WDFY3: variants seen among roughly 807,000 people sequenced by gnomAD.
WDFY3 encodes WD repeat and FYVE domain containing 3, also known as WD repeat and FYVE domain-containing protein 3.
A neutral mutation model predicts 409.6 loss-of-function variants in WDFY3; 66 were observed. The observed-to-expected ratio is 0.16, with a 90% CI of 0.13 to 0.20. The LOEUF is 0.20. WDFY3 is among the 10% of genes least tolerant of loss of function. The probability of loss-of-function intolerance (pLI) is 1.00; values close to 1 mark genes in which losing one functional copy is unlikely to be tolerated. For synonymous variants in WDFY3, 1,521 were observed against 1,537.1 expected, an observed-to-expected ratio of 0.99 and a Z score of 0.25; for missense variants, 3,031 against 4,298.1, an observed-to-expected ratio of 0.71 and a Z score of 8.24.
At position 84,726,943 on chromosome 4, in the gene WDFY3, A is replaced by G. The variant is rs755987044; in HGVS notation, c.7222-32T>C. 10 of 1,555,224 alleles carry G rather than the reference A, an allele frequency of 6.4e-6. No homozygotes were observed. The South Asian group carries it at 1.2e-4, about 19-fold the overall frequency. ...ACAGGGTATTAAGTATAGACATATC[A>G]GAAAAAAAAACATAAAGAGGAACAC... On this transcript the variant is annotated intron_variant, in intron 44 of 67. Coordinates refer to ENST00000295888, the MANE Select transcript of WDFY3 (RefSeq NM_014991.6).
chr4:84,817,709 C>T (rs1445692400), intron 12 of WDFY3, 124 bp from the exon 13 acceptor site: 8 of 886,334 alleles, frequency 9.0e-6, no homozygotes, highest in Non-Finnish European at 1.2e-5. Flanking sequence ...ATAAAACCTA[C>T]CCAACTATTT....
rs766711953 is a variant in WDFY3, at chr4:84,691,673, A to G, written c.9162T>C (p.Tyr3054=). 2.4e-5 allele frequency: 38 copies of G among 1,614,066 alleles called. No individual in the cohort carries two copies. Among genetic ancestry groups the G allele is most frequent in the Middle Eastern group, 1.6e-4 (1 of 6,084 alleles). The change falls in exon 60 of 68, where the codon TAT becomes TAC. Residue 3054 remains tyrosine (Y), a synonymous_variant. Transcript: ENST00000295888. ...PTWNKTFAWG[Y]ADLSCRLGTY... ...TTCCCAGTCTGCAACTGAGGTCTGCATAGCCCCAAGCAAAAGTTTTATTCC... is the reference window on the plus strand; with the variant it reads ...TTCCCAGTCTGCAACTGAGGTCTGCGTAGCCCCAAGCAAAAGTTTTATTCC...
At chr4:84,809,850 T>A in intron 14 of WDFY3, 37 bp downstream of exon 14, 1 of 1,582,164 alleles carries the variant, frequency 6.3e-7, no homozygotes, top group South Asian at 1.1e-5. Flanking sequence ...ATGCTTAGTA[T>A]ACACCCTTTA....
chr4:84,786,982 C>T (rs1319388159), intron 23 of WDFY3, among the ~76,000 whole-genome samples: 1 of 152,146 alleles, frequency 6.6e-6, no homozygotes, highest in Non-Finnish European at 1.5e-5. Flanking sequence ...TACCAAGGAA[C>T]TGCCAGCTTA....
intron 2 of WDFY3, among the ~76,000 whole-genome samples, chr4:84,900,464 G>A (rs138251937): frequency 3.1e-4 from 47 of 152,100 alleles, no homozygotes; most frequent in Middle Eastern, 3.4e-3. Flanking sequence ...GGCCTCAAGC[G>A]ATCCTCCAAA....
At chr4:84,901,618 T>C (rs542847460) in intron 2 of WDFY3, among the ~76,000 whole-genome samples, 21 of 152,284 alleles carry the variant, frequency 1.4e-4, no homozygotes, top group African/African-American at 5.1e-4. Context: ...CCATTACATT[T>C]CAACACCTGC....
At chr4:84,896,180 G>A (rs938834234) in intron 3 of WDFY3, among the ~76,000 whole-genome samples, 5 of 151,658 alleles carry the variant, frequency 3.3e-5, no homozygotes, top group African/African-American at 7.3e-5. Context: ...CGCTTGAACC[G>A]GGGAGGCAGA....
intron 3 of WDFY3, among the ~76,000 whole-genome samples, chr4:84,887,035 G>A (rs1264283899): frequency 2.0e-5 from 3 of 152,182 alleles, no homozygotes; most frequent in African/African-American, 7.2e-5. Flanking sequence ...CTGAGTAGGT[G>A]CTTGGGATAC....
chr4:84,739,135 C>T lies in WDFY3; in HGVS notation c.6465-16G>A. 6 of 1,612,868 alleles carry T rather than the reference C, an allele frequency of 3.7e-6. No homozygotes were observed. The highest frequency in any genetic ancestry group is 5.1e-6 in the Non-Finnish European group (6 of 1,179,016). ...ATCCACGTTGCTGAAAAATTCCAGT[C>T]AGTTTAAACTTTATGAAGGAAATGA... On this transcript the variant is annotated splice_polypyrimidine_tract_variant and intron_variant, in intron 39 of 67. Coordinates refer to ENST00000295888, the MANE Select transcript of WDFY3 (RefSeq NM_014991.6).
At chr4:84,887,548 T>G (rs1406680420) in intron 3 of WDFY3, among the ~76,000 whole-genome samples, 1 of 152,198 alleles carries the variant, frequency 6.6e-6, no homozygotes, top group Non-Finnish European at 1.5e-5. Context: ...CCTGCCTCTA[T>G]GTCAGTTTTC....
intron 1 of WDFY3, among the ~76,000 whole-genome samples, chr4:84,952,740 G>C (rs965461378): frequency 6.7e-6 from 1 of 148,522 alleles, no homozygotes; most frequent in African/African-American, 2.5e-5. Context: ...TACTCATCTT[G>C]ACCAAAAAAA....
intron 44 of WDFY3, among the ~76,000 whole-genome samples, chr4:84,731,798 CAT>C (rs1289053311): frequency 1.3e-5 from 2 of 152,132 alleles, no homozygotes; most frequent in African/African-American, 4.8e-5. Context: ...ATAGATAAAA[CAT>C]ATTATGGTTA....
At chr4:84,951,069 T>G (rs987846503) in intron 1 of WDFY3, among the ~76,000 whole-genome samples, 1 of 152,236 alleles carries the variant, frequency 6.6e-6, no homozygotes, top group African/African-American at 2.4e-5. Context: ...TTTCATGTAC[T>G]CTTTCCCTCT....
At chr4:84,736,751 C>A (rs1306092737) in intron 41 of WDFY3, among the ~76,000 whole-genome samples, 3 of 151,932 alleles carry the variant, frequency 2.0e-5, no homozygotes, top group Non-Finnish European at 4.4e-5. Context: ...TTTAATACGT[C>A]AATATTACTG....
intron 33 of WDFY3, among the ~76,000 whole-genome samples, chr4:84,756,653 A>G (rs1471911801): frequency 6.6e-6 from 1 of 151,876 alleles, no homozygotes; most frequent in Non-Finnish European, 1.5e-5. Context: ...ATCATATAAC[A>G]AAAGAGTTCT....
chr4:84,940,710 G>C (rs1302318879), intron 1 of WDFY3, among the ~76,000 whole-genome samples: 1 of 151,968 alleles, frequency 6.6e-6, no homozygotes, highest in African/African-American at 2.4e-5. Context: ...ACCAGACAAA[G>C]AGATTAAGAG....
intron 7 of WDFY3, among the ~76,000 whole-genome samples, chr4:84,833,101 A>G (rs1317327504): frequency 6.6e-6 from 1 of 152,034 alleles, no homozygotes; most frequent in Non-Finnish European, 1.5e-5. Context: ...CTGGAATGAG[A>G]ACTTATTCTT....
chr4:84,691,020 G>T (rs945904183), intron 60 of WDFY3, among the ~76,000 whole-genome samples: 1 of 152,188 alleles, frequency 6.6e-6, no homozygotes, highest in African/African-American at 2.4e-5. Context: ...TGAAAAGAGA[G>T]CACGACTGCT....
chr4:84,672,873 A>C lies in WDFY3; in HGVS notation c.10576T>G (p.Cys3526Gly). 6.2e-7 allele frequency: 1 copy of C among 1,614,108 alleles called. No individual in the cohort carries two copies. The change falls in exon 68 of 68, where the codon TGT becomes GGT. Residue 3526 changes from cysteine (C) to glycine (G), a missense_variant. Cys to Gly is a radical substitution (Grantham distance 159). Coordinates refer to ENST00000295888, the MANE Select transcript of WDFY3 (RefSeq NM_014991.6). ...ERGSEDGPRN[C>G] ...CCACTCAGCTTGTTGAATCTTCAAC[A>C]ATTTCGAGGCCCATCTTCTGAACCT...
Sources: allele counts gnomAD v4.1 joint callset (sites outside exome capture counted in the v4.1 genomes callset), GRCh38; gene constraint gnomAD v4.1.1; transcripts MANE v1.5; gene names NCBI Gene and HGNC (gene_info 2026-07-23, HGNC 2026-07-21).